PDGFD: variants seen among roughly 807,000 people sequenced by gnomAD.
The protein encoded by PDGFD is platelet derived growth factor D.
Under a neutral mutation model 44.7 loss-of-function variants are expected in PDGFD, and 30 were observed. That is an observed-to-expected ratio of 0.67 (90% CI 0.50 to 0.91). PDGFD has a LOEUF of 0.91. Ranked by LOEUF, PDGFD falls within the 40% of genes least tolerant of loss-of-function variation. The pLI is 0.00. For synonymous variants in PDGFD, 173 were observed against 168.4 expected (o/e 1.03, Z -0.21); for missense variants, 445 against 457.8 (o/e 0.97, Z 0.25).
chr11:104,017,191 C>A (rs1859870860), intron 1 of PDGFD, among the ~76,000 whole-genome samples: 1 of 152,134 alleles, frequency 6.6e-6, no homozygotes, highest in East Asian at 1.9e-4. Context: ...ACCCAATGTG[C>A]TGGTGTCCTG....
At chr11:104,148,744 C>T (rs1161546551) in intron 1 of PDGFD, among the ~76,000 whole-genome samples, 1 of 152,116 alleles carries the variant, frequency 6.6e-6, no homozygotes, top group Non-Finnish European at 1.5e-5. Flanking sequence ...TCCCTCCTCC[C>T]ACCCTTCATC....
intron 1 of PDGFD, among the ~76,000 whole-genome samples, chr11:104,160,681 G>A (rs1862375405): frequency 6.6e-6 from 1 of 152,156 alleles, no homozygotes; most frequent in South Asian, 2.1e-4. Context: ...ATCTTTCTTA[G>A]TTATAGAGCC....
At chr11:104,050,384 ACAAGTAAAT>A (rs1398641525) in intron 1 of PDGFD, among the ~76,000 whole-genome samples, 1 of 152,192 alleles carries the variant, frequency 6.6e-6, no homozygotes, top group African/African-American at 2.4e-5. Flanking sequence ...TATGAAACAA[ACAAGTAAAT>A]CAAGTAGGAA....
intron 1 of PDGFD, among the ~76,000 whole-genome samples, chr11:104,132,356 T>G (rs181125625): frequency 6.6e-6 from 1 of 152,104 alleles, no homozygotes; most frequent in Non-Finnish European, 1.5e-5. Context: ...ACTATAAAAA[T>G]TATTTTTTCT....
At chr11:104,034,878 T>A (rs1202481306) in intron 1 of PDGFD, among the ~76,000 whole-genome samples, 1 of 152,042 alleles carries the variant, frequency 6.6e-6, no homozygotes, top group Non-Finnish European at 1.5e-5. Context: ...TCCTGACCTC[T>A]TGATCCGCCC....
intron 1 of PDGFD, among the ~76,000 whole-genome samples, chr11:104,029,017 T>A (rs916852149): frequency 1.3e-5 from 2 of 152,188 alleles, no homozygotes; most frequent in African/African-American, 4.8e-5. Flanking sequence ...AGCACTGAAA[T>A]ATTTTATCAA....
intron 3 of PDGFD, among the ~76,000 whole-genome samples, chr11:103,963,747 A>C (rs1398019612): frequency 6.6e-6 from 1 of 152,194 alleles, no homozygotes; most frequent in Non-Finnish European, 1.5e-5. Flanking sequence ...AAAACATCTT[A>C]AGAGGACAAG....
At chr11:103,965,893 G>A (rs11226093) in intron 3 of PDGFD, among the ~76,000 whole-genome samples, 1,617 of 152,272 alleles carry the variant, frequency 0.011, 26 homozygotes, top group African/African-American at 0.037. Flanking sequence ...TGAAGCAGAT[G>A]AGCGAGGAAG....
intron 1 of PDGFD, among the ~76,000 whole-genome samples, chr11:104,157,208 G>A (rs115589723): frequency 0.027 from 4,132 of 152,234 alleles, 205 homozygotes; most frequent in African/African-American, 0.094. Context: ...GATATCATGA[G>A]GGCACCAAGG....
chr11:104,031,460 C>T (rs1860124508), intron 1 of PDGFD, among the ~76,000 whole-genome samples: 1 of 152,144 alleles, frequency 6.6e-6, no homozygotes, highest in African/African-American at 2.4e-5. Context: ...TAATACCAGT[C>T]AGAATGGTGA....
At chr11:104,075,586 T>G (rs1379763056) in intron 1 of PDGFD, among the ~76,000 whole-genome samples, 1 of 147,326 alleles carries the variant, frequency 6.8e-6, no homozygotes, top group Non-Finnish European at 1.5e-5. Context: ...CTTGAACTCC[T>G]GGGATCAAGC....
Position 104,051,790 on chromosome 11 carries a change from A to G in PDGFD, c.125-51535T>C, listed in dbSNP as rs528272666. Reference sequence around the variant, plus strand: ...ATGTAAACAAATACAGAAAACATATACAATTAACCACTGTGCTTTTTTTGA... The same window carrying G: ...ATGTAAACAAATACAGAAAACATATGCAATTAACCACTGTGCTTTTTTTGA... On this transcript the variant is annotated intron_variant, in intron 1 of 6. Coordinates refer to ENST00000393158, the MANE Select transcript of PDGFD (RefSeq NM_025208.5). Among the ~76,000 whole-genome samples the G allele has an allele frequency of 2.6e-5, 4 of 152,312 alleles. No individual in the cohort carries two copies. In the South Asian group the frequency reaches 6.2e-4, roughly 24 times the overall value.
intron 1 of PDGFD, among the ~76,000 whole-genome samples, chr11:104,161,948 A>AGT (rs1278724995): frequency 3.1e-5 from 4 of 129,194 alleles, no homozygotes; most frequent in African/African-American, 1.2e-4. Flanking sequence ...CTAATCAAAG[A>AGT]GAGTGTGTGT....
chr11:104,037,081 C>G, intron 1 of PDGFD: 1 of 1,614,198 alleles, frequency 6.2e-7, no homozygotes, highest in Non-Finnish European at 8.5e-7. Context: ...GGCTCCAGGG[C>G]GTGCCCCGAA....
intron 3 of PDGFD, among the ~76,000 whole-genome samples, chr11:103,972,778 G>GT (rs1359487345): frequency 6.6e-6 from 1 of 152,118 alleles, no homozygotes; most frequent in Non-Finnish European, 1.5e-5. Flanking sequence ...CAGCACAAAC[G>GT]TGAGTAGAAC....
At chr11:104,028,140 A>T (rs1860073220) in intron 1 of PDGFD, among the ~76,000 whole-genome samples, 1 of 149,962 alleles carries the variant, frequency 6.7e-6, no homozygotes, top group Non-Finnish European at 1.5e-5. Flanking sequence ...TAGTGAGCCG[A>T]GACCGTACCA....
chr11:104,033,705 A>C (rs1441927072), intron 1 of PDGFD, among the ~76,000 whole-genome samples: 4 of 152,200 alleles, frequency 2.6e-5, no homozygotes, highest in African/African-American at 7.2e-5. Flanking sequence ...TTTAAGAACA[A>C]ATTGTACAAA....
chr11:103,951,475 C>T (rs1338850255), intron 3 of PDGFD, among the ~76,000 whole-genome samples: 4 of 152,208 alleles, frequency 2.6e-5, no homozygotes, highest in African/African-American at 9.6e-5. Context: ...CTGCTTAAAA[C>T]CTTCCAATAG....
At chr11:103,936,656 A>ATTGG (rs1858492111) in intron 5 of PDGFD, among the ~76,000 whole-genome samples, 1 of 152,156 alleles carries the variant, frequency 6.6e-6, no homozygotes, top group Admixed American at 6.6e-5. Context: ...AAATAATAGA[A>ATTGG]TTGGTATTAG....
Sources: allele counts gnomAD v4.1 joint callset (sites outside exome capture counted in the v4.1 genomes callset), GRCh38; gene constraint gnomAD v4.1.1; transcripts MANE v1.5; gene names NCBI Gene and HGNC (gene_info 2026-07-23, HGNC 2026-07-21).